The following DLC1 variants were observed in gnomAD, a reference collection of about 807,000 sequenced individuals.
The protein encoded by DLC1 is rho GTPase-activating protein 7.
A neutral mutation model predicts 140.3 loss-of-function variants in DLC1; 54 were observed. The observed-to-expected ratio is 0.38, with a 90% confidence interval of 0.31 to 0.48. The LOEUF (loss-of-function observed/expected upper bound fraction) is 0.48. DLC1 is among the 20% of genes least tolerant of loss of function. DLC1 has a pLI of 0.96. For missense variants in DLC1, 2,536 were observed against 1,907.0 expected, an observed-to-expected ratio of 1.33 and a Z score of -6.14; for synonymous variants, 986 against 728.1, an observed-to-expected ratio of 1.35 and a Z score of -5.70.
intron 2 of DLC1, among the ~76,000 whole-genome samples, chr8:13,456,968 C>T (rs1025713224): frequency 6.6e-6 from 1 of 152,172 alleles, no homozygotes; most frequent in African/African-American, 2.4e-5. Flanking sequence ...TTGTAGTTGT[C>T]ATCACTGGAA....
Position 13,120,370 on chromosome 8 carries a change from T to TAA in DLC1, c.1349-4715_1349-4714dup, listed in dbSNP as rs1554577929. On this transcript the variant is annotated intron_variant, in intron 5 of 17. Transcript: ENST00000276297. ...AAAAAAAAAAAAATATATATATATATAAAATGTATATTATGTAACAAATAC... is the reference window on the plus strand; with the variant it reads ...AAAAAAAAAAAAATATATATATATATAAAAAATGTATATTATGTAACAAATAC... Among the ~76,000 whole-genome samples the TAA allele has an allele frequency of 2.9e-3, 327 of 110,868 alleles. 7 individuals carry two copies. Among genetic ancestry groups the TAA allele is most frequent in the Middle Eastern group, 0.011 (2 of 178 alleles). 72.7% of individuals were successfully genotyped at this position (110,868 alleles called of 152,430 possible). A position where few individuals can be genotyped will look rare whatever the true frequency, so the allele number is the denominator to read the frequency against.
chr8:13,306,621 T>C (rs1291144151), intron 4 of DLC1, among the ~76,000 whole-genome samples: 1 of 151,728 alleles, frequency 6.6e-6, no homozygotes, highest in Non-Finnish European at 1.5e-5. Flanking sequence ...GCAGCTCTGT[T>C]GTGGATCAGC....
chr8:13,495,968 T>C (rs1801481814), intron 2 of DLC1, among the ~76,000 whole-genome samples: 1 of 152,232 alleles, frequency 6.6e-6, no homozygotes, highest in African/African-American at 2.4e-5. Flanking sequence ...GATTATCAGA[T>C]AATGAGCTGA....
chr8:13,276,668 C>T (rs1362966121), intron 5 of DLC1: 6 of 1,082,004 alleles, frequency 5.5e-6, no homozygotes, highest in Admixed American at 1.0e-4. Flanking sequence ...GGAGGCGTCT[C>T]GCTTCCTGTG....
chr8:13,163,243 C>T (rs953328077), intron 5 of DLC1, among the ~76,000 whole-genome samples: 12 of 152,108 alleles, frequency 7.9e-5, no homozygotes, highest in African/African-American at 2.9e-4. Flanking sequence ...AATATTAATC[C>T]ACACCTTTAA....
At chr8:13,397,661 T>A (rs920629530) in intron 3 of DLC1, among the ~76,000 whole-genome samples, 4 of 138,000 alleles carry the variant, frequency 2.9e-5, no homozygotes, top group African/African-American at 1.1e-4. Context: ...AAACCCCATC[T>A]CTACAAAAAT....
At chr8:13,088,928 G>C (rs1817801616) in intron 15 of DLC1, among the ~76,000 whole-genome samples, 1 of 152,120 alleles carries the variant, frequency 6.6e-6, no homozygotes, top group Non-Finnish European at 1.5e-5. Flanking sequence ...GAGCAAGCCA[G>C]AAAGTGAAAA....
chr8:13,363,559 G>A (rs1294814156), intron 4 of DLC1, among the ~76,000 whole-genome samples: 1 of 152,016 alleles, frequency 6.6e-6, no homozygotes, highest in Non-Finnish European at 1.5e-5. Flanking sequence ...GAAGGCATGA[G>A]AGAGGTGAAG....
intron 5 of DLC1, among the ~76,000 whole-genome samples, chr8:13,150,827 A>G (rs188232855): frequency 1.3e-5 from 2 of 152,382 alleles, no homozygotes; most frequent in African/African-American, 4.8e-5. Context: ...TCACATCCAG[A>G]AAAATATTTC....
At chr8:13,271,094 C>T (rs1830914494) in intron 5 of DLC1, among the ~76,000 whole-genome samples, 1 of 152,192 alleles carries the variant, frequency 6.6e-6, no homozygotes, top group African/African-American at 2.4e-5. Flanking sequence ...TTGACATCAA[C>T]ATGTTCCTCT....
At chr8:13,428,821 G>A (rs1033714133) in intron 2 of DLC1, among the ~76,000 whole-genome samples, 1 of 152,152 alleles carries the variant, frequency 6.6e-6, no homozygotes, top group African/African-American at 2.4e-5. Flanking sequence ...TGGCCCGAGG[G>A]TGTTCTTGAA....
chr8:13,572,892 G>C (rs1804712146), intron 1 of DLC1, among the ~76,000 whole-genome samples: 1 of 152,124 alleles, frequency 6.6e-6, no homozygotes, highest in Admixed American at 6.5e-5. Context: ...CTTTGAGTAA[G>C]TTTTGAAATC....
At chr8:13,114,036 T>G (rs1440917620) in intron 6 of DLC1, among the ~76,000 whole-genome samples, 2 of 152,226 alleles carry the variant, frequency 1.3e-5, no homozygotes, top group African/African-American at 4.8e-5. Context: ...TTAAATTGAC[T>G]TCATATAGAG....
At chr8:13,098,282 C>T (rs759824754) in intron 10 of DLC1, 117 bp downstream of exon 10, 1 of 1,283,904 alleles carries the variant, frequency 7.8e-7, no homozygotes, top group African/African-American at 1.5e-5. Context: ...CATAGGATGA[C>T]AGATGAAATA....
intron 5 of DLC1, among the ~76,000 whole-genome samples, chr8:13,269,980 C>A (rs1830863223): frequency 2.0e-5 from 3 of 151,094 alleles, no homozygotes; most frequent in Admixed American, 1.3e-4. Context: ...TGGTGTGAAC[C>A]CGGGAGGTGG....
chr8:13,438,868 T>G (rs1839238020), intron 2 of DLC1, among the ~76,000 whole-genome samples: 1 of 152,086 alleles, frequency 6.6e-6, no homozygotes, highest in Non-Finnish European at 1.5e-5. Context: ...AAACCAGGGG[T>G]CGGCAAACTT....
chr8:13,457,676 C>CAAAAAAA (rs34916262), intron 2 of DLC1, among the ~76,000 whole-genome samples: 11 of 54,864 alleles, frequency 2.0e-4, no homozygotes, highest in South Asian at 9.9e-4. Flanking sequence ...GACTCCATCT[C>CAAAAAAA]AAAAAAAAAA....
intron 4 of DLC1, among the ~76,000 whole-genome samples, chr8:13,334,082 C>T (rs553024818): frequency 2.0e-5 from 3 of 152,094 alleles, no homozygotes; most frequent in East Asian, 3.9e-4. Flanking sequence ...TGGTGGAGAG[C>T]GAGGGATGCT....
At chr8:13,557,995 T>A (rs1044312467) in intron 1 of DLC1, 1 of 152,200 alleles carries the variant, frequency 6.6e-6, no homozygotes, top group African/African-American at 2.4e-5. Flanking sequence ...TTCCAGAAAG[T>A]TCATTGGCAC....
Sources: gnomAD v4.1 joint callset for allele counts (sites outside exome capture counted in the v4.1 genomes callset) on GRCh38, gnomAD v4.1.1 for gene constraint, MANE v1.5 for transcripts, NCBI Gene and HGNC (gene_info 2026-07-23, HGNC 2026-07-21) for gene names.